The following CNTRL variants were observed in gnomAD, a reference collection of about 807,000 sequenced individuals.
The protein encoded by CNTRL is centriolin, also known as 110 kDa centrosomal protein.
Under a neutral mutation model 303.7 loss-of-function variants are expected in CNTRL, and 233 were observed. The ratio of observed to expected loss-of-function variants is 0.77; its 90% CI spans 0.69 to 0.86. CNTRL has a LOEUF of 0.86. CNTRL is among the 40% of genes least tolerant of loss of function. The probability of loss-of-function intolerance (pLI) is 0.00; values close to 1 mark genes in which losing one functional copy is unlikely to be tolerated. For missense variants in CNTRL, 2,524 were observed against 2,650.6 expected, an observed-to-expected ratio of 0.95 and a Z score of 1.05; for synonymous variants, 900 against 922.2, an observed-to-expected ratio of 0.98 and a Z score of 0.44.
chr9:121,129,231 C>T (rs956284111), intron 14 of CNTRL, among the ~76,000 whole-genome samples: 1 of 152,154 alleles, frequency 6.6e-6, no homozygotes, highest in African/African-American at 2.4e-5. Flanking sequence ...TTACCTTGGG[C>T]AGTATGGCCA....
Position 121,074,963 on chromosome 9 carries a change from C to T in CNTRL, c.-309C>T. The stretch of plus-strand genomic sequence containing the variant: ...GCGCGCGGCCCCTCGGCAACCGGCA[C>T]AACACAACAAAATGGCTGCCGCGCC... On this transcript the variant is annotated 5_prime_UTR_variant, in exon 1 of 44. Coordinates refer to ENST00000373855, the MANE Select transcript of CNTRL (RefSeq NM_007018.6). 4.4e-6 allele frequency: 2 copies of T among 456,238 alleles called. No individual in the cohort carries two copies. Among genetic ancestry groups the T allele is most frequent in the South Asian group, 3.1e-5 (2 of 64,560 alleles). 28.3% of individuals were successfully genotyped at this position (456,238 alleles called of 1,614,324 possible). A position where few individuals can be genotyped will look rare whatever the true frequency, so the allele number is the denominator to read the frequency against.
chr9:121,081,972 A>C (rs2048157938), intron 2 of CNTRL, among the ~76,000 whole-genome samples: 1 of 152,236 alleles, frequency 6.6e-6, no homozygotes, highest in Admixed American at 6.5e-5. Flanking sequence ...TCTGGGTGTC[A>C]CCAGTCATCT....
intron 10 of CNTRL, 144 bp from the exon 11 acceptor site, chr9:121,114,947 A>G (rs557982970): frequency 3.8e-5 from 20 of 533,120 alleles, no homozygotes; most frequent in African/African-American, 5.8e-5. Flanking sequence ...ATAAGTAATT[A>G]CTTTAAAATT....
At chr9:121,084,720 A>G (rs897550362) in intron 2 of CNTRL, among the ~76,000 whole-genome samples, 23 of 152,050 alleles carry the variant, frequency 1.5e-4, no homozygotes, top group Middle Eastern at 3.4e-3. Flanking sequence ...AATGTTTTGT[A>G]TTTTTAGTAG....
At position 121,166,093 on chromosome 9, in the gene CNTRL, T is replaced by C; in HGVS notation, c.5582-14T>C. 1 of 1,594,246 alleles carries C rather than the reference T, an allele frequency of 6.3e-7. No homozygotes were observed. Among genetic ancestry groups the C allele is most frequent in the Non-Finnish European group, 8.6e-7 (1 of 1,164,686 alleles). On this transcript the variant is annotated splice_polypyrimidine_tract_variant and intron_variant, in intron 35 of 43. Transcript: ENST00000373855. Reference sequence around the variant, plus strand: ...GTATGTATTTCTTATTTCATGAGAATGTCATTTCTTTAGAAAAACGAGAAG... The same window carrying C: ...GTATGTATTTCTTATTTCATGAGAACGTCATTTCTTTAGAAAAACGAGAAG...
In CNTRL at chr9:121,140,686, CACCTTA is replaced by C. The variant is rs759526344; in HGVS notation, c.2387_2392del (p.Leu796_Asn797del). 3 of 1,613,056 alleles carry C rather than the reference CACCTTA, an allele frequency of 1.9e-6. No individual in the cohort carries two copies. The Admixed American group carries it at 5.0e-5, about 27-fold the overall frequency. ...ACAGCAACTTAAAGATTTCCAGAATCACCTTAACCATGTGGTTGATGGTTTGGTTCG... is the reference window on the plus strand; with the variant it reads ...ACAGCAACTTAAAGATTTCCAGAATCACCATGTGGTTGATGGTTTGGTTCG... On this transcript the variant is annotated inframe_deletion, in exon 17 of 44. Transcript: ENST00000373855.
In CNTRL at chr9:121,171,473, C is replaced by T. The variant is rs1470001317; in HGVS notation, c.6342C>T (p.Asp2114=). ...EMATIELVAQ[D]NHERARRLMK... ...CAACAATTGAACTGGTAGCCCAGGA[C>T]AACCATGAGCGGGCCAGGCGCCTGA... is the stretch of plus-strand genomic sequence containing the variant. The change falls in exon 40 of 44, where the codon GAC becomes GAT. Residue 2114 remains aspartate (D), a synonymous_variant. Coordinates refer to ENST00000373855, the MANE Select transcript of CNTRL (RefSeq NM_007018.6). The T allele has an allele frequency of 6.2e-7, 1 of 1,614,144 alleles. No homozygotes were observed. The highest frequency in any genetic ancestry group is 8.5e-7 in the Non-Finnish European group (1 of 1,179,992).
At chr9:121,139,437 G>A (rs916790612) in intron 16 of CNTRL, among the ~76,000 whole-genome samples, 16 of 152,036 alleles carry the variant, frequency 1.1e-4, no homozygotes, top group African/African-American at 3.9e-4. Context: ...ACTACGTAGG[G>A]GGATTTGAGA....
At chr9:121,161,150 G>A (rs550651577) in intron 32 of CNTRL, 33 of 381,288 alleles carry the variant, frequency 8.7e-5, no homozygotes, top group South Asian at 1.3e-4. Context: ...GTGTGTGCGC[G>A]CGTGCTCACG....
Position 121,169,721 on chromosome 9 carries a change from C to A in CNTRL, c.6181C>A (p.Gln2061Lys). The A allele has an allele frequency of 6.2e-7, 1 of 1,614,184 alleles. No homozygotes were observed. Among genetic ancestry groups the A allele is most frequent in the Non-Finnish European group, 8.5e-7 (1 of 1,180,030 alleles). The change falls in exon 39 of 44, where the codon CAG becomes AAG. Residue 2061 changes from glutamine (Q) to lysine (K), a missense_variant. Physicochemically the swap from Gln to Lys is moderately conservative, Grantham distance 53. Transcript: ENST00000373855. ...GGCAGACTTCAGCCTTCTGCGGAAC[C>A]AGTTCTTGACAGAAAGAAAGAAAGC... ...MRADFSLLRNQFLTERKKAEK... is the reference protein window; with the variant it reads ...MRADFSLLRNKFLTERKKAEK...
chr9:121,104,731 C>G (rs866836285), intron 7 of CNTRL, among the ~76,000 whole-genome samples: 1 of 101,078 alleles, frequency 9.9e-6, no homozygotes, highest in Non-Finnish European at 1.8e-5. Context: ...GACAGAGTTT[C>G]GCTCTTGTTG....
chr9:121,141,640 G>C, intron 18 of CNTRL, 52 bp downstream of exon 18: 1 of 1,483,152 alleles, frequency 6.7e-7, no homozygotes, highest in South Asian at 1.2e-5. Flanking sequence ...AAATATTAAT[G>C]TTTTTCAGCA....
chr9:121,075,314 G>C (rs1346238049), intron 1 of CNTRL, among the ~76,000 whole-genome samples: 1 of 152,234 alleles, frequency 6.6e-6, no homozygotes, highest in East Asian at 1.9e-4. Context: ...GGCGATTGGG[G>C]ATGAAGAACC....
rs1490577679 is a variant in CNTRL, at chr9:121,168,444, A to G, written c.6070+123A>G. 3 of 753,530 alleles carry G rather than the reference A, an allele frequency of 4.0e-6. No individual in the cohort carries two copies. The Admixed American group carries it at 7.9e-5, about 20-fold the overall frequency. 46.7% of individuals were successfully genotyped at this position (753,530 alleles called of 1,614,324 possible). On this transcript the variant is annotated intron_variant, in intron 38 of 43. Coordinates refer to ENST00000373855, the MANE Select transcript of CNTRL (RefSeq NM_007018.6). ...GCCCAGGAGAGGAGGCAGGAGAAGT[A>G]AAGCAGGAGGTATGATAGCCCTGTG...
At chr9:121,160,063 CAATA>C (rs2131726502) in intron 31 of CNTRL, 76 bp from the exon 32 acceptor site, 6 of 1,092,528 alleles carry the variant, frequency 5.5e-6, no homozygotes, top group Non-Finnish European at 7.4e-6. Context: ...TGATATAAAA[CAATA>C]AATAACAGAA....
At chr9:121,131,862 TA>T (rs1293210421) in intron 14 of CNTRL, among the ~76,000 whole-genome samples, 1 of 152,242 alleles carries the variant, frequency 6.6e-6, no homozygotes, top group Non-Finnish European at 1.5e-5. Flanking sequence ...TGCTTGTCTG[TA>T]AAGGATTTTA....
Position 121,096,453 on chromosome 9 carries a change from C to A in CNTRL, c.511C>A (p.Leu171Met). ...KIEGIENMCN[L>M]QKLNLAGNEI... is the part of the protein sequence containing the mutation. Reference sequence around the variant, plus strand: ...TGAAGGCATAGAAAATATGTGTAATCTGCAAAAGCTTAACCTTGCAGGAAA... The same window carrying A: ...TGAAGGCATAGAAAATATGTGTAATATGCAAAAGCTTAACCTTGCAGGAAA... Residue 171 changes from leucine to methionine, a missense_variant, in exon 6 of 44, where the codon CTG becomes ATG. By Grantham distance (15) the Leu-to-Met change is conservative. Coordinates refer to ENST00000373855, the MANE Select transcript of CNTRL (RefSeq NM_007018.6). The A allele has an allele frequency of 6.4e-7, 1 of 1,561,790 alleles. No individual in the cohort carries two copies. Among genetic ancestry groups the A allele is most frequent in the Non-Finnish European group, 8.7e-7 (1 of 1,151,574 alleles).
At chr9:121,139,649 C>T (rs778332094) in intron 16 of CNTRL, among the ~76,000 whole-genome samples, 2 of 152,144 alleles carry the variant, frequency 1.3e-5, no homozygotes, top group Non-Finnish European at 2.9e-5. Flanking sequence ...CTTGAGTTAT[C>T]ATTTTCCATT....
intron 22 of CNTRL, 119 bp downstream of exon 22, chr9:121,145,504 G>T: frequency 1.0e-6 from 1 of 991,742 alleles, no homozygotes; most frequent in Non-Finnish European, 1.5e-6. Flanking sequence ...AGAGAGCTGT[G>T]GTAATTAGCT....
Sources: gnomAD v4.1 joint callset for allele counts (sites outside exome capture counted in the v4.1 genomes callset) on GRCh38, gnomAD v4.1.1 for gene constraint, MANE v1.5 for transcripts, NCBI Gene and HGNC (gene_info 2026-07-23, HGNC 2026-07-21) for gene names.